ST3GAL6: variants seen among roughly 807,000 people sequenced by gnomAD.
ST3GAL6 encodes the protein ST3 beta-galactoside alpha-2,3-sialyltransferase 6.
In ST3GAL6, 31 loss-of-function variants were observed where a neutral mutation model predicts 40.5. That is an observed-to-expected ratio of 0.77 (90% CI 0.58 to 1.03). The LOEUF (loss-of-function observed/expected upper bound fraction) is 1.03, where lower values mean the gene tolerates loss of function less well. ST3GAL6 is among the 50% of genes least tolerant of loss of function. The probability of loss-of-function intolerance (pLI) is 0.00; values close to 1 mark genes in which losing one functional copy is unlikely to be tolerated. For synonymous variants in ST3GAL6, 129 were observed against 136.9 expected, an observed-to-expected ratio of 0.94 and a Z score of 0.40; for missense variants, 357 against 393.2, an observed-to-expected ratio of 0.91 and a Z score of 0.78.
At chr3:98,770,036 T>C (rs935409273) in intron 2 of ST3GAL6, among the ~76,000 whole-genome samples, 5 of 152,324 alleles carry the variant, frequency 3.3e-5, no homozygotes, top group East Asian at 3.9e-4. Flanking sequence ...ATTCTAACTA[T>C]GGGGATTTTG....
intron 4 of ST3GAL6, 29 bp from the exon 5 acceptor site, chr3:98,773,891 T>G: frequency 1.9e-6 from 3 of 1,597,992 alleles, no homozygotes; most frequent in Non-Finnish European, 2.6e-6. Flanking sequence ...GATTATCCTT[T>G]TATTCATAAC....
rs367958107 is a variant in ST3GAL6, at chr3:98,785,021, T to A, written c.412T>A (p.Ser138Thr). Residue 138 changes from serine (S) to threonine (T), a missense_variant, in exon 6 of 10, where the codon TCC becomes ACC. Coordinates refer to ENST00000483910, the MANE Select transcript of ST3GAL6 (RefSeq NM_001323368.2). ...KNKTLGEKIDSYDVIIRMNNG... is the reference protein window; with the variant it reads ...KNKTLGEKIDTYDVIIRMNNG... Reference sequence around the variant, plus strand: ...TAAGACATTAGGAGAAAAAATCGACTCCTATGATGTAATAATAAGGTAAAT... The same window carrying A: ...TAAGACATTAGGAGAAAAAATCGACACCTATGATGTAATAATAAGGTAAAT... The A allele has an allele frequency of 6.2e-7, 1 of 1,604,850 alleles. No homozygotes were observed. Among genetic ancestry groups the A allele is most frequent in the Non-Finnish European group, 8.5e-7 (1 of 1,171,896 alleles).
chr3:98,792,765 C>T (rs555636095), intron 9 of ST3GAL6, among the ~76,000 whole-genome samples: 11 of 151,738 alleles, frequency 7.2e-5, no homozygotes, highest in Middle Eastern at 3.4e-3. Flanking sequence ...GTGATCTGCC[C>T]GCCTTAGCCT....
chr3:98,785,098 C>A, intron 6 of ST3GAL6, 58 bp downstream of exon 6: 2 of 1,195,530 alleles, frequency 1.7e-6, no homozygotes, highest in South Asian at 1.3e-5. Context: ...TGGTTTCTTG[C>A]CTTAATACAG....
chr3:98,751,769 A>G (rs1342483536), intron 1 of ST3GAL6, among the ~76,000 whole-genome samples: 2 of 152,214 alleles, frequency 1.3e-5, no homozygotes, highest in Non-Finnish European at 2.9e-5. Context: ...ATAGTTTCCA[A>G]GAACTTATGA....
chr3:98,733,641 G>A (rs2107232197), intron 1 of ST3GAL6: 1 of 980,968 alleles, frequency 1.0e-6, no homozygotes, highest in African/African-American at 1.7e-5. Context: ...AGATAAGGGA[G>A]AAGCAACTTG....
intron 2 of ST3GAL6, among the ~76,000 whole-genome samples, chr3:98,769,504 A>G (rs187459929): frequency 1.3e-5 from 2 of 152,344 alleles, no homozygotes; most frequent in Non-Finnish European, 2.9e-5. Flanking sequence ...GTAGTAGAAG[A>G]CAAAAATAGA....
intron 5 of ST3GAL6, among the ~76,000 whole-genome samples, chr3:98,779,226 A>T (rs1181438809): frequency 6.6e-6 from 1 of 152,244 alleles, no homozygotes; most frequent in Non-Finnish European, 1.5e-5. Context: ...TCCTGTTCAC[A>T]TGATTCTTTT....
At chr3:98,753,379 T>G (rs2107349962) in intron 1 of ST3GAL6, among the ~76,000 whole-genome samples, 1 of 152,298 alleles carries the variant, frequency 6.6e-6, no homozygotes, top group South Asian at 2.1e-4. Context: ...AACACAAAAG[T>G]GCAAGGTGAA....
At chr3:98,735,282 C>G (rs528471236) in intron 1 of ST3GAL6, among the ~76,000 whole-genome samples, 1 of 152,344 alleles carries the variant, frequency 6.6e-6, no homozygotes, top group Non-Finnish European at 1.5e-5. Context: ...AGTATACATT[C>G]TGCACAAATT....
intron 1 of ST3GAL6, chr3:98,732,693 C>G (rs371835955): frequency 2.2e-5 from 14 of 628,848 alleles, no homozygotes; most frequent in Non-Finnish European, 3.5e-5. Context: ...ACTCCGGAGG[C>G]GCTCGGCGCA....
chr3:98,784,880 A>G, intron 5 of ST3GAL6, 65 bp from the exon 6 acceptor site: 1 of 1,358,690 alleles, frequency 7.4e-7, no homozygotes, highest in Non-Finnish European at 1.0e-6. Context: ...GACAGTATGC[A>G]TGGATTCTTG....
chr3:98,736,053 T>C (rs1404307041), intron 1 of ST3GAL6, among the ~76,000 whole-genome samples: 3 of 152,202 alleles, frequency 2.0e-5, no homozygotes, highest in Non-Finnish European at 4.4e-5. Flanking sequence ...CTGGTTTTCT[T>C]CCTTGTGCCC....
rs1206457501 is a variant in ST3GAL6 at position 98,772,972 on chromosome 3, A to G, written c.271+56A>G. 3.8e-5 allele frequency: 41 copies of G among 1,070,816 alleles called. 1 individual carries two copies. Among genetic ancestry groups the G allele is most frequent in the Non-Finnish European group, 5.5e-5 (39 of 703,556 alleles). The allele number at this position is 1,070,816 out of a possible 1,614,324, so 66.3% of individuals were successfully genotyped here. A position where few individuals can be genotyped will look rare whatever the true frequency, so the allele number is the denominator to read the frequency against. On this transcript the variant is annotated intron_variant, in intron 4 of 9. Transcript: ENST00000483910. Reference sequence around the variant, plus strand: ...TAAATTTGAGTGGTGTTTGATGAGAATGGCATGTTAATATAATTTTAAGGG... The same window carrying G: ...TAAATTTGAGTGGTGTTTGATGAGAGTGGCATGTTAATATAATTTTAAGGG...
chr3:98,733,444 A>T, intron 1 of ST3GAL6: 1 of 994,868 alleles, frequency 1.0e-6, no homozygotes, highest in Non-Finnish European at 1.2e-6. Context: ...GTTTTCTTGT[A>T]AAAGGGTCTG....
Position 98,792,012 on chromosome 3 carries a change from G to C in ST3GAL6, c.909+19G>C. 1 of 1,582,386 alleles carries C rather than the reference G, an allele frequency of 6.3e-7. No individual in the cohort carries two copies. Among genetic ancestry groups the C allele is most frequent in the Non-Finnish European group, 8.6e-7 (1 of 1,162,444 alleles). On this transcript the variant is annotated intron_variant, in intron 9 of 9. Transcript: ENST00000483910. ...GAATAAGGTAATATACTGTACTTTA[G>C]GTAATATACATATGCTTTGGACTAA...
At chr3:98,770,469 G>T (rs368901004) in intron 2 of ST3GAL6, 5 of 179,134 alleles carry the variant, frequency 2.8e-5, no homozygotes, top group East Asian at 1.6e-4. Context: ...GTTCGCTGCC[G>T]GTGTGCGTCA....
At chr3:98,783,658 G>A in intron 5 of ST3GAL6, 5 of 985,358 alleles carry the variant, frequency 5.1e-6, no homozygotes, top group Non-Finnish European at 6.0e-6. Flanking sequence ...GTGTCCACAA[G>A]GCGAGGTTTC....
rs531392975 is a variant in ST3GAL6 at position 98,737,636 on chromosome 3, G to T, written c.-12+5104G>T. Among the ~76,000 whole-genome samples, 3 of 152,232 alleles carry T rather than the reference G, an allele frequency of 2.0e-5. No individual in the cohort carries two copies. In the East Asian group the frequency reaches 5.8e-4, roughly 29 times the overall value. ...TTTTTAGATAGAAAATTATTTTTGAGATTCTTTGGCCCATTGTTAACTCAC... is the reference window on the plus strand; with the variant it reads ...TTTTTAGATAGAAAATTATTTTTGATATTCTTTGGCCCATTGTTAACTCAC... On this transcript the variant is annotated intron_variant, in intron 1 of 9. Coordinates refer to the ST3GAL6 transcript ENST00000265261.
Sources: allele counts gnomAD v4.1 joint callset (sites outside exome capture counted in the v4.1 genomes callset), GRCh38; gene constraint gnomAD v4.1.1; transcripts MANE v1.5; gene names NCBI Gene and HGNC (gene_info 2026-07-23, HGNC 2026-07-21).